The following VWA8 variants were observed in gnomAD, a reference collection of about 807,000 sequenced individuals.
VWA8 encodes von Willebrand factor A domain containing 8.
In VWA8, 221 loss-of-function variants were observed where a neutral mutation model predicts 241.5. The observed-to-expected ratio is 0.91, with a 90% confidence interval of 0.82 to 1.02. The LOEUF (loss-of-function observed/expected upper bound fraction) is 1.02. Ranked by LOEUF, VWA8 falls within the 50% of genes least tolerant of loss-of-function variation. The pLI, the probability that VWA8 is intolerant of heterozygous loss-of-function variation, is 0.00. For missense variants in VWA8, 2,322 were observed against 2,328.7 expected, an observed-to-expected ratio of 1.00 and a Z score of 0.06; for synonymous variants, 852 against 827.1, an observed-to-expected ratio of 1.03 and a Z score of -0.52.
chr13:41,807,499 A>G lies in VWA8; in HGVS notation c.2063+3726T>C, dbSNP rs185310801. Among the ~76,000 whole-genome samples, 13 of 152,376 alleles carry G rather than the reference A, an allele frequency of 8.5e-5. 1 individual carries two copies. In the East Asian group the frequency reaches 2.3e-3, roughly 27 times the overall value. ...TTATAAAGATCATTCATCATGACCAAGCGGGATTTATGCCAGGGATGCCAG... is the reference window on the plus strand; with the variant it reads ...TTATAAAGATCATTCATCATGACCAGGCGGGATTTATGCCAGGGATGCCAG... On this transcript the variant is annotated intron_variant, in intron 17 of 44. Coordinates refer to ENST00000379310, the MANE Select transcript of VWA8 (RefSeq NM_015058.2).
chr13:41,587,871 G>A (rs959624223), intron 41 of VWA8, among the ~76,000 whole-genome samples: 9 of 152,094 alleles, frequency 5.9e-5, no homozygotes, highest in African/African-American at 2.2e-4. Flanking sequence ...TCAGACTTGT[G>A]CTAATGGTTG....
At chr13:41,765,116 T>C (rs2045770468) in intron 20 of VWA8, among the ~76,000 whole-genome samples, 1 of 152,002 alleles carries the variant, frequency 6.6e-6, no homozygotes, top group African/African-American at 2.4e-5. Context: ...AAAGTTTCTG[T>C]CTTGGGCAAT....
At chr13:41,853,555 C>T (rs1872609624) in intron 12 of VWA8, among the ~76,000 whole-genome samples, 1 of 152,064 alleles carries the variant, frequency 6.6e-6, no homozygotes, top group African/African-American at 2.4e-5. Flanking sequence ...AATCTCCTAA[C>T]TCATTATTGA....
chr13:41,828,703 CTTT>C lies in VWA8; in HGVS notation c.1700+1823_1700+1825del, dbSNP rs528467226. ...TTCTGAAATATTTGGAAGTTGTAGA[CTTT>C]TTTTTACTTTATCCCTTAAGTATCT... On this transcript the variant is annotated intron_variant, in intron 14 of 44. Coordinates refer to ENST00000379310, the MANE Select transcript of VWA8 (RefSeq NM_015058.2). 3.8e-4 allele frequency among the ~76,000 whole-genome samples: 57 copies of C among 151,904 alleles called. 1 individual carries two copies. The South Asian group carries it at 0.012, about 32-fold the overall frequency.
At chr13:41,781,940 GACA>G (rs1176316134) in intron 19 of VWA8, among the ~76,000 whole-genome samples, 2 of 152,166 alleles carry the variant, frequency 1.3e-5, no homozygotes, top group African/African-American at 2.4e-5. Flanking sequence ...CAGGGCATAG[GACA>G]ACAAGATGAT....
At chr13:41,905,195 A>T (rs1486799972) in intron 4 of VWA8, 1 of 152,124 alleles carries the variant, frequency 6.6e-6, no homozygotes, top group Non-Finnish European at 1.5e-5. Flanking sequence ...CAAGGATGAC[A>T]TGCAAATTCA....
intron 16 of VWA8, among the ~76,000 whole-genome samples, chr13:41,815,430 G>T (rs1870648456): frequency 6.6e-6 from 1 of 152,234 alleles, no homozygotes; most frequent in Admixed American, 6.5e-5. Context: ...AGATTATGTT[G>T]CACTATGTGT....
chr13:41,809,831 G>GA (rs1187587749), intron 17 of VWA8, among the ~76,000 whole-genome samples: 1 of 151,970 alleles, frequency 6.6e-6, no homozygotes, highest in Non-Finnish European at 1.5e-5. Flanking sequence ...CACAGAATGG[G>GA]AAAAAATATT....
intron 12 of VWA8, among the ~76,000 whole-genome samples, chr13:41,841,524 C>T (rs914405211): frequency 5.3e-5 from 8 of 151,786 alleles, no homozygotes; most frequent in South Asian, 2.1e-4. Flanking sequence ...CGGTGGCTCA[C>T]GCCTGTAATC....
chr13:41,878,376 T>G (rs1171206025), intron 9 of VWA8, among the ~76,000 whole-genome samples: 2 of 151,572 alleles, frequency 1.3e-5, no homozygotes, highest in Non-Finnish European at 2.9e-5. Context: ...CACATAGACT[T>G]CCCAGAACAG....
intron 2 of VWA8, among the ~76,000 whole-genome samples, chr13:41,915,935 C>T (rs1018062493): frequency 6.6e-6 from 1 of 152,130 alleles, no homozygotes; most frequent in African/African-American, 2.4e-5. Flanking sequence ...GGTAAACATA[C>T]AAACGATTTT....
At chr13:41,581,685 C>A (rs11147856) in intron 42 of VWA8, among the ~76,000 whole-genome samples, 28,852 of 148,216 alleles carry the variant, frequency 0.19, 3,080 homozygotes, top group African/African-American at 0.31. Flanking sequence ...AGAAACAATA[C>A]GTTTAAGTTT....
chr13:41,882,934 C>T (rs1000724053), intron 9 of VWA8, among the ~76,000 whole-genome samples: 3 of 152,020 alleles, frequency 2.0e-5, no homozygotes, highest in Admixed American at 2.0e-4. Context: ...TATACATATA[C>T]ACATACTATC....
intron 12 of VWA8, among the ~76,000 whole-genome samples, chr13:41,863,989 T>C (rs959956131): frequency 4.0e-5 from 6 of 151,846 alleles, no homozygotes; most frequent in Non-Finnish European, 7.4e-5. Flanking sequence ...AAGACAGACA[T>C]GGGTAAGGGT....
intron 17 of VWA8, among the ~76,000 whole-genome samples, chr13:41,797,708 G>A (rs766856409): frequency 1.3e-5 from 2 of 152,084 alleles, no homozygotes; most frequent in Non-Finnish European, 2.9e-5. Flanking sequence ...TGGCCTTGAA[G>A]TATATTAATA....
chr13:41,701,248 C>T, intron 28 of VWA8, 144 bp downstream of exon 28: 1 of 1,055,046 alleles, frequency 9.5e-7, no homozygotes, highest in African/African-American at 1.7e-5. Flanking sequence ...GAAATTAGTT[C>T]TAAATTACAT....
In VWA8 at chr13:41,928,835, G is replaced by GA. The variant is rs751528831; in HGVS notation, c.242-16668_242-16667insT. 3.7e-3 allele frequency among the ~76,000 whole-genome samples: 525 copies of GA among 142,154 alleles called. 3 individuals carry two copies. The highest frequency in any genetic ancestry group is 0.011 in the African/African-American group (428 of 39,292). The allele number at this position is 142,154 out of a possible 152,430, so 93.3% of individuals were successfully genotyped here. ...CTGATAAACCTTCAGCTTGTTTAAG[G>GA]GAAAAAAAAAAGAGAAGACTCAAAT... On this transcript the variant is annotated intron_variant, in intron 2 of 44. Transcript: ENST00000379310.
chr13:41,794,471 A>T (rs958503463), intron 17 of VWA8, among the ~76,000 whole-genome samples: 1 of 152,150 alleles, frequency 6.6e-6, no homozygotes, highest in Non-Finnish European at 1.5e-5. Context: ...TAGTGATTTT[A>T]CACATTGATT....
intron 2 of VWA8, among the ~76,000 whole-genome samples, chr13:41,935,226 C>T (rs1356976172): frequency 6.6e-6 from 1 of 152,100 alleles, no homozygotes; most frequent in Non-Finnish European, 1.5e-5. Flanking sequence ...CAACTTGCAG[C>T]TCAGCTTCCT....
Sources: allele counts gnomAD v4.1 joint callset (sites outside exome capture counted in the v4.1 genomes callset), GRCh38; gene constraint gnomAD v4.1.1; transcripts MANE v1.5; gene names NCBI Gene and HGNC (gene_info 2026-07-23, HGNC 2026-07-21).